Variants in RASSF5 observed in about 807,000 individuals in gnomAD.
RASSF5 encodes the protein ras association domain-containing protein 5.
In RASSF5, 25 loss-of-function variants were observed where a neutral mutation model predicts 40.5. The observed-to-expected ratio is 0.62, with a 90% CI of 0.45 to 0.86. The LOEUF is 0.86. Among genes scored for constraint, RASSF5 ranks in the 40% least tolerant of loss-of-function variants. RASSF5 has a pLI of 0.00. For synonymous variants in RASSF5, 246 were observed against 252.4 expected, an observed-to-expected ratio of 0.97 and a Z score of 0.24; for missense variants, 521 against 572.8, an observed-to-expected ratio of 0.91 and a Z score of 0.92.
intron 1 of RASSF5, among the ~76,000 whole-genome samples, chr1:206,510,478 A>C (rs1477741905): frequency 6.6e-6 from 1 of 152,178 alleles, no homozygotes; most frequent in Non-Finnish European, 1.5e-5. Context: ...GCCTAGCAAA[A>C]TGCAATACGA....
In RASSF5 at chr1:206,568,495, G is replaced by A. The variant is rs577790918; in HGVS notation, c.580-14774G>A. 3.3e-5 allele frequency among the ~76,000 whole-genome samples: 5 copies of A among 152,282 alleles called. No homozygotes were observed. The South Asian group carries it at 1.0e-3, about 32-fold the overall frequency. On this transcript the variant is annotated intron_variant, in intron 2 of 5. Transcript: ENST00000579436. The stretch of plus-strand genomic sequence containing the variant: ...TGCCCCTCCCCTTCTAGCAAGCATG[G>A]GCGGTGTGGGTATGCGGGGTGCTGG...
intron 2 of RASSF5, among the ~76,000 whole-genome samples, chr1:206,556,723 T>G (rs1243611744): frequency 2.0e-5 from 3 of 152,238 alleles, no homozygotes; most frequent in African/African-American, 7.2e-5. Context: ...TCTTCTGGCA[T>G]TTCCAACTTA....
intron 2 of RASSF5, among the ~76,000 whole-genome samples, chr1:206,546,852 A>C (rs185271432): frequency 3.9e-5 from 6 of 152,354 alleles, no homozygotes; most frequent in African/African-American, 1.4e-4. Flanking sequence ...TCAAATGTGC[A>C]TCTCTTTAGC....
intron 2 of RASSF5, among the ~76,000 whole-genome samples, chr1:206,574,814 T>C (rs1207820219): frequency 3.3e-5 from 5 of 151,862 alleles, no homozygotes; most frequent in African/African-American, 1.2e-4. Context: ...GGGATTCCTC[T>C]TTCTCATTTG....
At chr1:206,528,268 C>T (rs1280939459) in intron 1 of RASSF5, among the ~76,000 whole-genome samples, 1 of 151,840 alleles carries the variant, frequency 6.6e-6, no homozygotes, top group Admixed American at 6.6e-5. Flanking sequence ...GGAGATAATA[C>T]TAAGTGAATG....
chr1:206,536,111 T>C (rs1156475268), intron 1 of RASSF5, among the ~76,000 whole-genome samples: 1 of 152,172 alleles, frequency 6.6e-6, no homozygotes, highest in African/African-American at 2.4e-5. Flanking sequence ...GGCAGAAGTT[T>C]GGCCTGCACT....
Position 206,507,532 on chromosome 1 carries a change from T to C in RASSF5, c.-71T>C. 8.2e-7 allele frequency: 1 copy of C among 1,224,240 alleles called. No homozygotes were observed. The highest frequency in any genetic ancestry group is 3.2e-5 in the East Asian group (1 of 31,484). 75.8% of individuals were successfully genotyped at this position (1,224,240 alleles called of 1,614,324 possible). ...CGCGCTGGTGTGGGGCGGCCCCTTC[T>C]CTCGGGGCTGGCTCGGGAGTAGCGC... On this transcript the variant is annotated 5_prime_UTR_variant, in exon 1 of 6. Transcript: ENST00000579436.
chr1:206,587,167 A>G lies in RASSF5; in HGVS notation c.*189A>G, dbSNP rs756222354. On this transcript the variant is annotated 3_prime_UTR_variant, in exon 6 of 6. Coordinates refer to ENST00000579436, the MANE Select transcript of RASSF5 (RefSeq NM_182663.4). The stretch of plus-strand genomic sequence containing the variant: ...CGAGGGTTCAGCTGTGCCCGCCCCC[A>G]GGCTGTGCCCCACCACAGATTCTGC... The G allele has an allele frequency of 3.2e-6, 2 of 633,856 alleles. No individual in the cohort carries two copies. Among genetic ancestry groups the G allele is most frequent in the Non-Finnish European group, 5.5e-6 (2 of 364,066 alleles). 39.3% of individuals were successfully genotyped at this position (633,856 alleles called of 1,614,324 possible). A position where few individuals can be genotyped will look rare whatever the true frequency, so the allele number is the denominator to read the frequency against.
chr1:206,537,688 C>A (rs1553398840), intron 1 of RASSF5, among the ~76,000 whole-genome samples: 1 of 152,194 alleles, frequency 6.6e-6, no homozygotes, highest in African/African-American at 2.4e-5. Flanking sequence ...CAAAGAGTTT[C>A]AGATTTTGGA....
At chr1:206,518,487 G>C in intron 1 of RASSF5, 1 of 398,654 alleles carries the variant, frequency 2.5e-6, no homozygotes, top group Non-Finnish European at 4.4e-6. Flanking sequence ...GAGCCGCTCG[G>C]TCTCCAAAAA....
chr1:206,581,924 G>A (rs1363800417), intron 2 of RASSF5, among the ~76,000 whole-genome samples: 1 of 150,224 alleles, frequency 6.7e-6, no homozygotes, highest in Non-Finnish European at 1.5e-5. Flanking sequence ...ATGTGACGTC[G>A]CGGCAGCTGT....
chr1:206,555,772 G>A (rs888035136), intron 2 of RASSF5, among the ~76,000 whole-genome samples: 7 of 152,192 alleles, frequency 4.6e-5, no homozygotes, highest in Admixed American at 6.5e-5. Flanking sequence ...CCAGGCACTC[G>A]CAGGCTTCTG....
At chr1:206,566,658 T>A (rs1668296422) in intron 2 of RASSF5, among the ~76,000 whole-genome samples, 1 of 152,218 alleles carries the variant, frequency 6.6e-6, no homozygotes, top group East Asian at 1.9e-4. Context: ...ACTTGGCACC[T>A]ATAATGTCGA....
intron 1 of RASSF5, among the ~76,000 whole-genome samples, chr1:206,520,452 G>T (rs1666876031): frequency 6.6e-6 from 1 of 152,096 alleles, no homozygotes; most frequent in East Asian, 1.9e-4. Flanking sequence ...ACTAAAAATA[G>T]AAAAATTAGC....
At chr1:206,547,790 C>G (rs1667735758) in intron 2 of RASSF5, among the ~76,000 whole-genome samples, 1 of 151,978 alleles carries the variant, frequency 6.6e-6, no homozygotes, top group African/African-American at 2.4e-5. Flanking sequence ...ATTTAAATGG[C>G]CAATTATATT....
intron 2 of RASSF5, among the ~76,000 whole-genome samples, chr1:206,570,897 A>G (rs1052026602): frequency 6.6e-6 from 1 of 152,058 alleles, no homozygotes; most frequent in Non-Finnish European, 1.5e-5. Context: ...TGGGTGTTCA[A>G]ATACTGGTTT....
intron 1 of RASSF5, among the ~76,000 whole-genome samples, chr1:206,520,219 G>A (rs1193052822): frequency 2.0e-5 from 3 of 152,238 alleles, no homozygotes; most frequent in African/African-American, 7.2e-5. Flanking sequence ...TGCTCAAGAT[G>A]ATGGGAAAGG....
intron 2 of RASSF5, among the ~76,000 whole-genome samples, chr1:206,561,004 A>G (rs1333609523): frequency 6.6e-6 from 1 of 152,158 alleles, no homozygotes; most frequent in Non-Finnish European, 1.5e-5. Flanking sequence ...CCAAATGCCT[A>G]CAGGTGGTGG....
chr1:206,519,040 G>C (rs1268386676), intron 1 of RASSF5, among the ~76,000 whole-genome samples: 1 of 152,256 alleles, frequency 6.6e-6, no homozygotes, highest in South Asian at 2.1e-4. Flanking sequence ...GCTGAAGGCT[G>C]CTGGGTGGAG....
Sources: allele counts gnomAD v4.1 joint callset (sites outside exome capture counted in the v4.1 genomes callset), GRCh38; gene constraint gnomAD v4.1.1; transcripts MANE v1.5; gene names NCBI Gene and HGNC (gene_info 2026-07-23, HGNC 2026-07-21).